The following CNTNAP5 variants were observed in gnomAD, a reference collection of about 807,000 sequenced individuals.
The protein encoded by CNTNAP5 is contactin-associated protein-like 5.
In CNTNAP5, 72 loss-of-function variants were observed where a neutral mutation model predicts 150.2. That is an observed-to-expected ratio of 0.48 (90% CI 0.40 to 0.58). CNTNAP5 has a LOEUF of 0.58. Ranked by LOEUF, CNTNAP5 falls within the 20% of genes least tolerant of loss-of-function variation. CNTNAP5 has a pLI of 0.00. For missense variants in CNTNAP5, 1,636 were observed against 1,626.2 expected (o/e 1.01, Z -0.10); for synonymous variants, 672 against 619.8 (o/e 1.08, Z -1.25).
intron 20 of CNTNAP5, among the ~76,000 whole-genome samples, chr2:124,866,412 A>C (rs769565040): frequency 3.0e-4 from 45 of 152,212 alleles, no homozygotes; most frequent in Admixed American, 6.5e-5. Context: ...AGGAAGACGC[A>C]TGGGCAAAGA....
At chr2:124,152,596 T>C (rs551902102) in intron 1 of CNTNAP5, among the ~76,000 whole-genome samples, 1 of 151,628 alleles carries the variant, frequency 6.6e-6, no homozygotes, top group African/African-American at 2.4e-5. Context: ...CTGGAGGAGG[T>C]TTTGTGGAGG....
At chr2:124,128,578 G>T (rs1254687786) in intron 1 of CNTNAP5, among the ~76,000 whole-genome samples, 4 of 152,014 alleles carry the variant, frequency 2.6e-5, no homozygotes, top group Non-Finnish European at 5.9e-5. Flanking sequence ...CCCAAAGAAT[G>T]ATAAATCATG....
chr2:124,830,535 A>C (rs1682691996), intron 19 of CNTNAP5, among the ~76,000 whole-genome samples: 1 of 152,062 alleles, frequency 6.6e-6, no homozygotes, highest in Non-Finnish European at 1.5e-5. Context: ...GAGTGCGTCC[A>C]GGGTCATGAA....
chr2:124,841,924 C>G (rs1371655305), intron 19 of CNTNAP5, among the ~76,000 whole-genome samples: 2 of 152,006 alleles, frequency 1.3e-5, no homozygotes, highest in Non-Finnish European at 2.9e-5. Context: ...AATTGCATCT[C>G]TTTATACTGT....
At chr2:124,597,843 C>G (rs1007435110) in intron 11 of CNTNAP5, among the ~76,000 whole-genome samples, 7 of 147,538 alleles carry the variant, frequency 4.7e-5, no homozygotes, top group African/African-American at 1.7e-4. Context: ...TTGCTCATTT[C>G]TTTTTATTCT....
intron 6 of CNTNAP5, among the ~76,000 whole-genome samples, chr2:124,454,489 C>T (rs1693067627): frequency 6.6e-6 from 1 of 152,082 alleles, no homozygotes; most frequent in Non-Finnish European, 1.5e-5. Context: ...GACAGGTCAT[C>T]AAGACAGAAA....
chr2:124,648,006 G>T (rs536853824), intron 13 of CNTNAP5, 48 bp downstream of exon 13: 5 of 1,521,668 alleles, frequency 3.3e-6, no homozygotes, highest in Non-Finnish European at 4.4e-6. Flanking sequence ...GGGACCCTCA[G>T]ACCTGGAGTA....
chr2:124,590,831 C>T (rs1359432700), intron 11 of CNTNAP5, among the ~76,000 whole-genome samples: 1 of 152,124 alleles, frequency 6.6e-6, no homozygotes. Flanking sequence ...TGCAGAAACA[C>T]CACATCTCTG....
intron 10 of CNTNAP5, among the ~76,000 whole-genome samples, chr2:124,533,918 A>G (rs1475031784): frequency 6.6e-6 from 1 of 152,152 alleles, no homozygotes; most frequent in Non-Finnish European, 1.5e-5. Context: ...CTTTCCTTCT[A>G]AAATACTTCA....
At chr2:124,833,289 A>C (rs1390788788) in intron 19 of CNTNAP5, among the ~76,000 whole-genome samples, 1 of 152,136 alleles carries the variant, frequency 6.6e-6, no homozygotes, top group East Asian at 1.9e-4. Context: ...AACTAGCTGA[A>C]TAAAACTCAG....
chr2:124,241,092 C>T (rs78272954), intron 2 of CNTNAP5, among the ~76,000 whole-genome samples: 1,669 of 152,250 alleles, frequency 0.011, 27 homozygotes, highest in African/African-American at 0.038. Context: ...ATACAGTCTG[C>T]GATAGCTCCC....
intron 1 of CNTNAP5, among the ~76,000 whole-genome samples, chr2:124,129,650 T>C (rs998772614): frequency 3.9e-5 from 6 of 152,188 alleles, no homozygotes; most frequent in African/African-American, 1.2e-4. Flanking sequence ...TATTTCCTAG[T>C]GCACAAATTT....
intron 22 of CNTNAP5, among the ~76,000 whole-genome samples, chr2:124,904,123 A>G (rs1304145451): frequency 6.6e-6 from 1 of 151,272 alleles, no homozygotes; most frequent in African/African-American, 2.4e-5. Context: ...CTCTTTAACC[A>G]ACAACTCTCC....
chr2:124,139,413 C>T (rs1684052008), intron 1 of CNTNAP5, among the ~76,000 whole-genome samples: 1 of 152,014 alleles, frequency 6.6e-6, no homozygotes, highest in South Asian at 2.1e-4. Context: ...AATGACGCTC[C>T]CTAAAGCAAG....
chr2:124,614,367 C>T (rs900239433), intron 12 of CNTNAP5, among the ~76,000 whole-genome samples: 5 of 152,100 alleles, frequency 3.3e-5, no homozygotes, highest in Admixed American at 3.3e-4. Flanking sequence ...AGAGTCTATA[C>T]AGTAAAGTTA....
intron 12 of CNTNAP5, among the ~76,000 whole-genome samples, chr2:124,639,457 G>C (rs556481063): frequency 1.3e-5 from 2 of 152,246 alleles, no homozygotes; most frequent in African/African-American, 4.8e-5. Flanking sequence ...CTCACCCTTA[G>C]AGAAGGCGTC....
chr2:124,338,610 A>C (rs1380005233), intron 3 of CNTNAP5, among the ~76,000 whole-genome samples: 3 of 152,136 alleles, frequency 2.0e-5, no homozygotes, highest in Non-Finnish European at 4.4e-5. Context: ...TCTGCTGATT[A>C]GTGAGATTCC....
chr2:124,119,254 G>T (rs1399194029), intron 1 of CNTNAP5, among the ~76,000 whole-genome samples: 1 of 151,716 alleles, frequency 6.6e-6, no homozygotes, highest in East Asian at 1.9e-4. Context: ...AAATTTCTGT[G>T]CATTGTTTAT....
Position 124,106,495 on chromosome 2 carries a change from C to A in CNTNAP5, c.82+80763C>A, listed in dbSNP as rs144067845. Among the ~76,000 whole-genome samples the A allele has an allele frequency of 5.7e-3, 863 of 152,226 alleles. 10 individuals are homozygous for A. The highest frequency in any genetic ancestry group is 0.019 in the African/African-American group (791 of 41,540). ...GATCAAGGATGCCTATGAAATTAAA[C>A]CTCCATTAAAGCCTGTAAAGGGGTT... On this transcript the variant is annotated intron_variant, in intron 1 of 23. Transcript: ENST00000682447.
Sources: gnomAD v4.1 joint callset for allele counts (sites outside exome capture counted in the v4.1 genomes callset) on GRCh38, gnomAD v4.1.1 for gene constraint, MANE v1.5 for transcripts, NCBI Gene and HGNC (gene_info 2026-07-23, HGNC 2026-07-21) for gene names.